The following ZNF814 variants were observed in gnomAD, a reference collection of about 807,000 sequenced individuals.
ZNF814 encodes zinc finger protein 814.
A neutral mutation model predicts 7.5 loss-of-function variants in ZNF814; 5 were observed. That is an observed-to-expected ratio of 0.67 (90% CI 0.35 to 1.40). The LOEUF is 1.40. Among genes scored for constraint, ZNF814 ranks in the 40% most tolerant of loss-of-function variants. The pLI is 0.04. For synonymous variants in ZNF814, 315 were observed against 340.7 expected (o/e 0.92, Z 0.83); for missense variants, 962 against 1,018.0 (o/e 0.94, Z 0.75).
Position 57,872,105 on chromosome 19 carries a change from C to A in ZNF814, c.*717G>T, listed in dbSNP as rs1230902471. Among the ~76,000 whole-genome samples the A allele has an allele frequency of 2.0e-5, 3 of 151,780 alleles. No homozygotes were observed. Among genetic ancestry groups the A allele is most frequent in the Admixed American group, 6.6e-5 (1 of 15,210 alleles). ...TGAGCGACACAGTGACAACCTGTCT[C>A]AAAAAAAATCTAGCAAGGTACCTGG... On this transcript the variant is annotated 3_prime_UTR_variant, in exon 3 of 3. Coordinates refer to ENST00000435989, the MANE Select transcript of ZNF814 (RefSeq NM_001144989.2).
chr19:57,886,846 C>T (rs1183795149), intron 1 of ZNF814, among the ~76,000 whole-genome samples: 1 of 151,476 alleles, frequency 6.6e-6, no homozygotes, highest in African/African-American at 2.4e-5. Flanking sequence ...CACCACTGCA[C>T]TCCAGGCTGG....
chr19:57,904,648 C>T, the ZNF814 span, among the ~76,000 whole-genome samples: 137 of 152,266 alleles, frequency 9.0e-4, no homozygotes, highest in African/African-American at 3.0e-3. Context: ...TGGACTTTCA[C>T]GGATTTTGTA....
chr19:57,885,883 C>T (rs1446314716), intron 1 of ZNF814: 1 of 148,990 alleles, frequency 6.7e-6, no homozygotes, highest in East Asian at 2.0e-4. Context: ...CACTGCTTGC[C>T]TGTATCAAAA....
chr19:57,897,992 T>C, the ZNF814 span, among the ~76,000 whole-genome samples: 5 of 152,166 alleles, frequency 3.3e-5, no homozygotes, highest in Non-Finnish European at 5.9e-5. Context: ...AGCTGTATAT[T>C]TGGTTAATTG....
Position 57,870,843 on chromosome 19 carries a change from G to T in ZNF814, c.*1979C>A, listed in dbSNP as rs1270797046. 2.0e-5 allele frequency: 3 copies of T among 152,124 alleles called. No individual in the cohort carries two copies. The highest frequency in any genetic ancestry group is 2.9e-5 in the Non-Finnish European group (2 of 68,056). The allele number at this position is 152,124 out of a possible 1,614,324, so 9.4% of individuals were successfully genotyped here. ...AAAAATACAAAAATTAGCTGGGTGT[G>T]GTGGCATGTGCCTGTAGTCCCAGCT... is the stretch of plus-strand genomic sequence containing the variant. On this transcript the variant is annotated 3_prime_UTR_variant, in exon 3 of 3. Transcript: ENST00000435989.
chr19:57,876,642 T>C, intron 2 of ZNF814: 1 of 491,310 alleles, frequency 2.0e-6, no homozygotes, highest in Non-Finnish European at 3.5e-6. Flanking sequence ...ACCTGAAATC[T>C]GGACAAGGAC....
the ZNF814 span, among the ~76,000 whole-genome samples, chr19:57,894,375 A>C: frequency 6.6e-6 from 1 of 151,978 alleles, no homozygotes; most frequent in East Asian, 1.9e-4. Flanking sequence ...AAAAAAAAAA[A>C]AAAGAAGCCG....
rs1373886980 is a variant in ZNF814, at chr19:57,888,754, G to T, written c.36+13C>A. The T allele has an allele frequency of 2.6e-6, 4 of 1,553,672 alleles. No homozygotes were observed. In the South Asian group the frequency reaches 4.8e-5, roughly 18 times the overall value. ...ATGAGGTGACCTGAGGACACAGAAG[G>T]CCCCACAATTACCTGAGCGGAGAGC... On this transcript the variant is annotated intron_variant, in intron 1 of 2. Coordinates refer to ENST00000435989, the MANE Select transcript of ZNF814 (RefSeq NM_001144989.2).
At chr19:57,904,352 A>T in the ZNF814 span, among the ~76,000 whole-genome samples, 2 of 152,242 alleles carry the variant, frequency 1.3e-5, no homozygotes, top group South Asian at 4.1e-4. Context: ...TGCAGCCTCC[A>T]TACTGGCGTT....
chr19:57,900,839 A>ATTTTTTTGTTTTT, the ZNF814 span, among the ~76,000 whole-genome samples: 1 of 45,782 alleles, frequency 2.2e-5, no homozygotes. Context: ...CCATGGCTGC[A>ATTTTTTTGTTTTT]TTTTTTTTTT....
At chr19:57,902,553 G>C in the ZNF814 span, among the ~76,000 whole-genome samples, 11 of 149,768 alleles carry the variant, frequency 7.3e-5, no homozygotes, top group Admixed American at 7.4e-4. Context: ...TAAGTATAAA[G>C]GGGAGGGAGG....
chr19:57,871,851 T>G lies in ZNF814; in HGVS notation c.*971A>C, dbSNP rs1275145185. Among the ~76,000 whole-genome samples the G allele has an allele frequency of 6.7e-6, 1 of 148,330 alleles. No homozygotes were observed. Among genetic ancestry groups the G allele is most frequent in the Non-Finnish European group, 1.5e-5 (1 of 67,556 alleles). On this transcript the variant is annotated 3_prime_UTR_variant, in exon 3 of 3. Transcript: ENST00000435989. ...AAGGCCAGGCACAGTAACTCACACC[T>G]GTAATCCCAGCATGTTTGGAGGCCA... is the stretch of plus-strand genomic sequence containing the variant.
chr19:57,886,899 T>A (rs1035542097), intron 1 of ZNF814, among the ~76,000 whole-genome samples: 1 of 148,390 alleles, frequency 6.7e-6, no homozygotes, highest in Admixed American at 6.8e-5. Context: ...AATAAATAAA[T>A]AAAATAGGCT....
intron 1 of ZNF814, among the ~76,000 whole-genome samples, chr19:57,887,634 A>C (rs2071703579): frequency 6.6e-6 from 1 of 152,136 alleles, no homozygotes; most frequent in Non-Finnish European, 1.5e-5. Flanking sequence ...GACGAGCTCC[A>C]CCTGGCCCCC....
upstream of ZNF814, among the ~76,000 whole-genome samples, chr19:57,890,919 G>T (rs1258074970): frequency 2.0e-5 from 3 of 152,198 alleles, no homozygotes; most frequent in Non-Finnish European, 4.4e-5. Flanking sequence ...ACTCCGTCTT[G>T]AATAGGGGTT....
chr19:57,903,902 A>G, the ZNF814 span, among the ~76,000 whole-genome samples: 241 of 152,318 alleles, frequency 1.6e-3, 2 homozygotes, highest in Middle Eastern at 0.01. Flanking sequence ...GACATAATGT[A>G]AAAGAGTCTT....
chr19:57,896,687 T>C, the ZNF814 span, among the ~76,000 whole-genome samples: 1 of 152,218 alleles, frequency 6.6e-6, no homozygotes, highest in South Asian at 2.1e-4. This position sits in a 1 kb window ranked among gnomAD's most constrained non-coding sequence, Gnocchi z 4.2. Flanking sequence ...AAGCTATTAA[T>C]GGAATTTAAG....
At chr19:57,880,529 C>T (rs1264402435) in intron 1 of ZNF814, among the ~76,000 whole-genome samples, 1 of 151,048 alleles carries the variant, frequency 6.6e-6, no homozygotes, top group Non-Finnish European at 1.5e-5. Context: ...GTTGAAAGGA[C>T]TGAGCTCGAG....
At chr19:57,892,759 T>C (rs2071740157), upstream of ZNF814, among the ~76,000 whole-genome samples, 1 of 152,234 alleles carries the variant, frequency 6.6e-6, no homozygotes. Flanking sequence ...GGGGGGCTTC[T>C]CTGGCCTCTC....
Sources: gnomAD v4.1 joint callset for allele counts (sites outside exome capture counted in the v4.1 genomes callset) on GRCh38, gnomAD v4.1.1 for gene constraint, Gnocchi (gnomAD v3.1) non-coding constraint, MANE v1.5 for transcripts, NCBI Gene and HGNC (gene_info 2026-07-23, HGNC 2026-07-21) for gene names.